Variants in WWP1 observed in about 807,000 individuals in gnomAD.
WWP1 encodes WW domain containing E3 ubiquitin protein ligase 1, also known as NEDD4-like E3 ubiquitin-protein ligase WWP1.
WWP1 carries 49 observed loss-of-function variants against 130.6 expected under a neutral mutation model. The observed-to-expected ratio is 0.38, with a 90% CI of 0.30 to 0.48. WWP1 has a LOEUF of 0.48. Ranked by LOEUF, WWP1 falls within the 20% of genes least tolerant of loss-of-function variation. The pLI, the probability that WWP1 is intolerant of heterozygous loss-of-function variation, is 0.99. For missense variants in WWP1, 809 were observed against 1,100.6 expected, an observed-to-expected ratio of 0.74 and a Z score of 3.75; for synonymous variants, 332 against 367.8, an observed-to-expected ratio of 0.90 and a Z score of 1.11.
At chr8:86,360,283 C>A (rs1219950163) in intron 1 of WWP1, among the ~76,000 whole-genome samples, 2 of 152,144 alleles carry the variant, frequency 1.3e-5, no homozygotes, top group African/African-American at 4.8e-5. Context: ...CAGGTCCTAC[C>A]TTTCCATGAA....
intron 8 of WWP1, among the ~76,000 whole-genome samples, chr8:86,403,061 T>C (rs1808087516): frequency 6.6e-6 from 1 of 152,184 alleles, no homozygotes; most frequent in African/African-American, 2.4e-5. Flanking sequence ...TCATAAATTG[T>C]TTTGTTTGGT....
intron 7 of WWP1, among the ~76,000 whole-genome samples, chr8:86,401,152 A>C (rs1321198323): frequency 2.0e-5 from 3 of 151,958 alleles, no homozygotes; most frequent in African/African-American, 7.3e-5. Flanking sequence ...CTGGGGTATA[A>C]TATTTAGCTT....
At chr8:86,445,806 G>A (rs556411344) in intron 18 of WWP1, among the ~76,000 whole-genome samples, 25 of 151,806 alleles carry the variant, frequency 1.6e-4, no homozygotes, top group African/African-American at 6.0e-4. Context: ...CTGAAGCCTT[G>A]CCAACATCTG....
intron 9 of WWP1, among the ~76,000 whole-genome samples, chr8:86,418,336 G>C (rs950507356): frequency 5.3e-5 from 8 of 152,108 alleles, no homozygotes; most frequent in Non-Finnish European, 8.8e-5. Context: ...GCGTTTCCTT[G>C]TGTATTATTT....
At chr8:86,448,790 TG>T (rs773560096) in intron 20 of WWP1, among the ~76,000 whole-genome samples, 1 of 152,326 alleles carries the variant, frequency 6.6e-6, no homozygotes, top group South Asian at 2.1e-4. Context: ...AGTGTTTTCT[TG>T]AATTCCATGA....
intron 9 of WWP1, among the ~76,000 whole-genome samples, chr8:86,413,730 A>G (rs1172094488): frequency 6.6e-6 from 1 of 152,246 alleles, no homozygotes; most frequent in African/African-American, 2.4e-5. Flanking sequence ...AGGCAGCAAG[A>G]TATATAATGC....
intron 10 of WWP1, 48 bp downstream of exon 10, chr8:86,425,366 G>A (rs1809561883): frequency 1.4e-6 from 2 of 1,477,130 alleles, no homozygotes; most frequent in African/African-American, 2.8e-5. Context: ...TATCACACAT[G>A]TGGTTTTTAA....
chr8:86,403,282 G>C (rs1808101979), intron 8 of WWP1, among the ~76,000 whole-genome samples: 1 of 152,026 alleles, frequency 6.6e-6, no homozygotes, highest in African/African-American at 2.4e-5. Context: ...TAAAATAGAT[G>C]GATCTTTTTG....
chr8:86,353,726 G>A (rs930432239), intron 1 of WWP1, among the ~76,000 whole-genome samples: 14 of 152,196 alleles, frequency 9.2e-5, no homozygotes, highest in Non-Finnish European at 1.8e-4. Flanking sequence ...CAAGTGATCC[G>A]CCTGCCTTGG....
intron 18 of WWP1, among the ~76,000 whole-genome samples, chr8:86,443,453 G>A (rs529723968): frequency 2.6e-5 from 4 of 152,194 alleles, no homozygotes; most frequent in East Asian, 1.9e-4. Context: ...CTTTGCAGAA[G>A]CCCTTATGGA....
At chr8:86,434,486 T>C (rs1275936928) in intron 14 of WWP1, among the ~76,000 whole-genome samples, 1 of 152,222 alleles carries the variant, frequency 6.6e-6, no homozygotes, top group Non-Finnish European at 1.5e-5. Flanking sequence ...TTTGCTCAAA[T>C]GTCACTTTGT....
intron 3 of WWP1, among the ~76,000 whole-genome samples, chr8:86,379,198 A>G (rs551433298): frequency 6.6e-6 from 1 of 152,268 alleles, no homozygotes; most frequent in South Asian, 2.1e-4. Flanking sequence ...GGCCTTCTAT[A>G]TTAGTCCAGT....
chr8:86,386,503 G>C (rs933669012), intron 5 of WWP1, among the ~76,000 whole-genome samples: 2 of 151,762 alleles, frequency 1.3e-5, no homozygotes, highest in Non-Finnish European at 2.9e-5. Context: ...GGGGCGGGGT[G>C]TCTTGACAAT....
At chr8:86,422,638 G>T (rs1809294013) in intron 9 of WWP1, among the ~76,000 whole-genome samples, 1 of 151,900 alleles carries the variant, frequency 6.6e-6, no homozygotes, top group Admixed American at 6.6e-5. Context: ...CTCCCAAAGT[G>T]CTGGGATTAC....
intron 22 of WWP1, among the ~76,000 whole-genome samples, chr8:86,460,790 C>CTTT (rs59506795): frequency 0.011 from 715 of 62,396 alleles, 204 homozygotes; most frequent in Non-Finnish European, 0.018. Context: ...TTTAGCACAT[C>CTTT]TTTTTTTTTT....
At chr8:86,465,523 G>A (rs973235093) in intron 24 of WWP1, among the ~76,000 whole-genome samples, 3 of 152,138 alleles carry the variant, frequency 2.0e-5, no homozygotes, top group African/African-American at 7.2e-5. Flanking sequence ...CCACTCCAGG[G>A]ACTGAGGTGG....
At chr8:86,431,826 C>T in intron 14 of WWP1, 83 bp downstream of exon 14, 2 of 1,562,560 alleles carry the variant, frequency 1.3e-6, no homozygotes, top group South Asian at 1.2e-5. Flanking sequence ...TCAAGTTTAG[C>T]AAAACATTTT....
intron 14 of WWP1, among the ~76,000 whole-genome samples, chr8:86,432,630 G>A (rs1012653922): frequency 7.4e-5 from 11 of 148,864 alleles, no homozygotes; most frequent in African/African-American, 2.7e-4. Context: ...TTTTTGAGAC[G>A]GACTTTCGCT....
At chr8:86,385,682 A>G (rs748204466) in intron 5 of WWP1, among the ~76,000 whole-genome samples, 1 of 152,214 alleles carries the variant, frequency 6.6e-6, no homozygotes, top group Non-Finnish European at 1.5e-5. Flanking sequence ...GGTAACATTT[A>G]TAACAATTAT....
Sources: gnomAD v4.1 joint callset for allele counts (sites outside exome capture counted in the v4.1 genomes callset) on GRCh38, gnomAD v4.1.1 for gene constraint, MANE v1.5 for transcripts, NCBI Gene and HGNC (gene_info 2026-07-23, HGNC 2026-07-21) for gene names.